CNTN6: variants seen among roughly 807,000 people sequenced by gnomAD.
CNTN6 encodes contactin 6, also known as contactin-6.
Under a neutral mutation model 122.8 loss-of-function variants are expected in CNTN6, and 137 were observed. The ratio of observed to expected loss-of-function variants is 1.12; its 90% CI spans 0.97 to 1.29. CNTN6 has a LOEUF of 1.29. Among genes scored for constraint, CNTN6 ranks in the 50% most tolerant of loss-of-function variants. CNTN6 has a pLI of 0.00. For synonymous variants in CNTN6, 570 were observed against 426.0 expected (o/e 1.34, Z -4.16); for missense variants, 1,634 against 1,223.4 (o/e 1.34, Z -5.01).
chr3:1,315,932 C>T (rs907806526), intron 7 of CNTN6, among the ~76,000 whole-genome samples: 3 of 151,712 alleles, frequency 2.0e-5, no homozygotes, highest in East Asian at 1.9e-4. Flanking sequence ...ATAAATGATT[C>T]GTAAATCAGT....
At chr3:1,355,483 A>G (rs2126085831) in intron 12 of CNTN6, among the ~76,000 whole-genome samples, 1 of 151,796 alleles carries the variant, frequency 6.6e-6, no homozygotes, top group Non-Finnish European at 1.5e-5. Context: ...TACAAATTTG[A>G]AGCCTAGCAT....
intron 4 of CNTN6, among the ~76,000 whole-genome samples, chr3:1,238,777 C>T (rs1196358531): frequency 6.6e-6 from 1 of 151,996 alleles, no homozygotes; most frequent in East Asian, 1.9e-4. Context: ...TGGAAATCAA[C>T]TCCAAAAGGA....
chr3:1,327,331 T>C, intron 9 of CNTN6, 126 bp from the exon 10 acceptor site: 1 of 1,000,812 alleles, frequency 1.0e-6, no homozygotes, highest in Non-Finnish European at 1.4e-6. Context: ...CAGAATCTAG[T>C]AGTGTATTAA....
rs187168374 is a variant in CNTN6, at chr3:1,152,200, G to A, written c.55+4137G>A. On this transcript the variant is annotated intron_variant, in intron 2 of 22. Coordinates refer to ENST00000446702, the MANE Select transcript of CNTN6 (RefSeq NM_001289080.2). ...GTTGCCCAGGCTGGAGTGCAGTGGC[G>A]TGATATCAGCTCACTGCAACCTCCA... is the stretch of plus-strand genomic sequence containing the variant. 6.2e-4 allele frequency among the ~76,000 whole-genome samples: 94 copies of A among 151,876 alleles called. 1 individual carries two copies. Among genetic ancestry groups the A allele is most frequent in the African/African-American group, 1.1e-3 (44 of 41,442 alleles).
At chr3:1,228,500 A>G (rs540081312) in intron 4 of CNTN6, among the ~76,000 whole-genome samples, 1 of 152,284 alleles carries the variant, frequency 6.6e-6, no homozygotes, top group South Asian at 2.1e-4. Flanking sequence ...CATCACATAA[A>G]TGTCATCCAA....
intron 11 of CNTN6, among the ~76,000 whole-genome samples, chr3:1,348,567 C>A (rs1264554070): frequency 2.0e-5 from 3 of 151,688 alleles, no homozygotes; most frequent in Admixed American, 2.0e-4. Flanking sequence ...TCATTCTATG[C>A]AAATAAAATT....
intron 5 of CNTN6, among the ~76,000 whole-genome samples, chr3:1,283,812 C>T (rs928345571): frequency 3.3e-5 from 5 of 152,024 alleles, no homozygotes; most frequent in Non-Finnish European, 7.4e-5. Flanking sequence ...CCAGCCTGGC[C>T]AACATGGTGA....
At chr3:1,130,647 C>A (rs539100592) in intron 1 of CNTN6, among the ~76,000 whole-genome samples, 1 of 152,228 alleles carries the variant, frequency 6.6e-6, no homozygotes, top group African/African-American at 2.4e-5. Flanking sequence ...ACTATCCTAG[C>A]AATGTTTCTT....
intron 4 of CNTN6, among the ~76,000 whole-genome samples, chr3:1,252,759 G>A (rs750737855): frequency 9.2e-5 from 14 of 152,098 alleles, no homozygotes; most frequent in Non-Finnish European, 1.5e-5. Context: ...GGGAAAGACA[G>A]GCTTATTCTC....
At chr3:1,399,810 G>A (rs542577632) in intron 20 of CNTN6, among the ~76,000 whole-genome samples, 7 of 152,212 alleles carry the variant, frequency 4.6e-5, no homozygotes, top group Admixed American at 3.3e-4. Flanking sequence ...AGTTGAGTAA[G>A]GCACTTGCCC....
chr3:1,254,229 T>A (rs554987808), intron 4 of CNTN6, among the ~76,000 whole-genome samples: 1 of 152,104 alleles, frequency 6.6e-6, no homozygotes, highest in African/African-American at 2.4e-5. Flanking sequence ...TTTCCTGAAG[T>A]TGGTGATAAT....
intron 1 of CNTN6, among the ~76,000 whole-genome samples, chr3:1,106,022 A>G (rs893501478): frequency 6.6e-6 from 1 of 152,154 alleles, no homozygotes; most frequent in Admixed American, 6.6e-5. Context: ...AGGAAATGTA[A>G]GTAGTTATTT....
At chr3:1,273,838 T>G (rs1691824831) in intron 4 of CNTN6, among the ~76,000 whole-genome samples, 1 of 152,208 alleles carries the variant, frequency 6.6e-6, no homozygotes, top group African/African-American at 2.4e-5. Context: ...TAAGTGGAAG[T>G]GAACACAGAA....
chr3:1,342,725 A>G (rs1189306111), intron 11 of CNTN6, among the ~76,000 whole-genome samples: 1 of 152,104 alleles, frequency 6.6e-6, no homozygotes, highest in Non-Finnish European at 1.5e-5. Flanking sequence ...CGGGGTCTAT[A>G]TTGTTATAAT....
rs199831202 is a variant in CNTN6, at chr3:1,374,094, A to G, written c.2095+21A>G. The G allele has an allele frequency of 1.1e-5, 18 of 1,604,506 alleles. No homozygotes were observed. The Middle Eastern group carries it at 6.6e-4, about 59-fold the overall frequency. ...ATCAGGTAAAGAATCAATGTGTTCTAAAAGTGTGGAAGATTTCGTATGATA... is the reference window on the plus strand; with the variant it reads ...ATCAGGTAAAGAATCAATGTGTTCTGAAAGTGTGGAAGATTTCGTATGATA... On this transcript the variant is annotated intron_variant, in intron 16 of 22. Transcript: ENST00000446702.
intron 5 of CNTN6, among the ~76,000 whole-genome samples, chr3:1,295,281 G>C (rs1361518893): frequency 6.6e-6 from 1 of 152,074 alleles, no homozygotes; most frequent in Non-Finnish European, 1.5e-5. Context: ...GTGTACATTT[G>C]GAACAGTTAT....
At chr3:1,395,604 TGAC>T (rs1694890058) in intron 20 of CNTN6, among the ~76,000 whole-genome samples, 1 of 152,166 alleles carries the variant, frequency 6.6e-6, no homozygotes, top group African/African-American at 2.4e-5. Context: ...ACCCTCCTGA[TGAC>T]ATTGGAGCCA....
At chr3:1,143,200 G>T (rs2092651877) in intron 1 of CNTN6, among the ~76,000 whole-genome samples, 1 of 151,836 alleles carries the variant, frequency 6.6e-6, no homozygotes, top group South Asian at 2.1e-4. Context: ...AACTTTCAGA[G>T]ATTCTTTTTA....
chr3:1,183,191 A>G (rs2093582303), intron 2 of CNTN6, among the ~76,000 whole-genome samples: 1 of 152,180 alleles, frequency 6.6e-6, no homozygotes, highest in Admixed American at 6.5e-5. Flanking sequence ...AAGAAATAGT[A>G]TTCATTCTAA....
Sources: gnomAD v4.1 joint callset for allele counts (sites outside exome capture counted in the v4.1 genomes callset) on GRCh38, gnomAD v4.1.1 for gene constraint, MANE v1.5 for transcripts, NCBI Gene and HGNC (gene_info 2026-07-23, HGNC 2026-07-21) for gene names.